ALPG: variants seen among roughly 807,000 people sequenced by gnomAD.
The protein encoded by ALPG is alkaline phosphatase, germ cell.
Under a neutral mutation model 48.6 loss-of-function variants are expected in ALPG, and 32 were observed. That is an observed-to-expected ratio of 0.66 (90% CI 0.50 to 0.88). The LOEUF is 0.88. ALPG is among the 40% of genes least tolerant of loss of function. ALPG has a pLI of 0.00. For synonymous variants in ALPG, 244 were observed against 308.9 expected, an observed-to-expected ratio of 0.79 and a Z score of 2.20; for missense variants, 533 against 718.1, an observed-to-expected ratio of 0.74 and a Z score of 2.95.
rs1697160877 is a variant in ALPG at position 232,409,970 on chromosome 2, C to T, written c.*98C>T. The T allele has an allele frequency of 6.9e-7, 1 of 1,446,020 alleles. No homozygotes were observed. Among genetic ancestry groups the T allele is most frequent in the Non-Finnish European group, 9.1e-7 (1 of 1,103,012 alleles). 89.6% of individuals were successfully genotyped at this position (1,446,020 alleles called of 1,614,324 possible). On this transcript the variant is annotated 3_prime_UTR_variant, in exon 11 of 11. Transcript: ENST00000295453. ...GACCTCCACCTGGAGCTGTCACCCC[C>T]GGAGTCGCCACACAGACGTCCTGCC...
rs1419868694 is a variant in ALPG, at chr2:232,408,317, C to G, written c.699C>G (p.Asp233Glu). 6.2e-7 allele frequency: 1 copy of G among 1,613,290 alleles called. No individual in the cohort carries two copies. The highest frequency in any genetic ancestry group is 8.5e-7 in the Non-Finnish European group (1 of 1,179,826). ...ACATGTTTCCCATGGGGACCCCAGA[C>G]CCTGAGTACCCAGATGACTACAGCC... ...RKYMFPMGTP[D>E]PEYPDDYSQG... The change falls in exon 6 of 11, where the codon GAC (aspartate) becomes GAG (glutamate). Residue 233 changes from aspartate to glutamate, a missense_variant. Around this residue, in one of 6 missense-constraint regions of ALPG, gnomAD observed 40 missense variants for 74.5 expected, o/e 0.54. Transcript: ENST00000295453.
At chr2:232,409,509 G>A in intron 10 of ALPG, 61 bp downstream of exon 10, 1 of 1,609,326 alleles carries the variant, frequency 6.2e-7, no homozygotes, top group South Asian at 1.1e-5. Flanking sequence ...GGGGCTGGCG[G>A]GAAGGGGTCA....
Position 232,410,502 on chromosome 2 carries a change from C to T in ALPG, c.*630C>T, listed in dbSNP as rs1697169237. ...ACAGCCACTCAGATGTTCGACGCCC[C>T]CTAAGGTCCATTCCAGCACCCACCT... On this transcript the variant is annotated 3_prime_UTR_variant, in exon 11 of 11. Coordinates refer to ENST00000295453, the MANE Select transcript of ALPG (RefSeq NM_031313.3). 6.5e-6 allele frequency: 1 copy of T among 154,718 alleles called. No individual in the cohort carries two copies. The highest frequency in any genetic ancestry group is 2.4e-5 in the African/African-American group (1 of 41,464). 9.6% of individuals were successfully genotyped at this position (154,718 alleles called of 1,614,324 possible).
Position 232,407,966 on chromosome 2 carries a change from G to T in ALPG, c.597G>T (p.Gln199His). Reference protein sequence around the residue: ...SDADVPASARQEGCQDIATQL... With the variant: ...SDADVPASARHEGCQDIATQL... ...CCGACGTGCCTGCCTCGGCCCGCCA[G>T]GAGGGGTGCCAGGACATCGCCACGC... is the stretch of plus-strand genomic sequence containing the variant. Residue 199 changes from glutamine (Q) to histidine (H), a missense_variant, in exon 5 of 11, where the codon CAG becomes CAT. By Grantham distance (24) the Gln-to-His change is conservative. Coordinates refer to ENST00000295453, the MANE Select transcript of ALPG (RefSeq NM_031313.3). 4 of 1,613,188 alleles carry T rather than the reference G, an allele frequency of 2.5e-6. No homozygotes were observed. The highest frequency in any genetic ancestry group is 3.4e-6 in the Non-Finnish European group (4 of 1,179,892).
rs758050767 is a variant in ALPG at position 232,406,902 on chromosome 2, G to C, written c.8G>C (p.Gly3Ala). MQ[G>A]PWVLLLLGLR... The stretch of plus-strand genomic sequence containing the variant: ...CTCCGACTGCTTCCAGACATGCAGG[G>C]GCCCTGGGTGCTGCTCCTGCTGGGC... Residue 3 changes from glycine to alanine, a missense_variant, in exon 1 of 11, where the codon GGG becomes GCG. Physicochemically the swap from Gly to Ala is moderately conservative, Grantham distance 60. Around this residue, in one of 6 missense-constraint regions of ALPG, gnomAD observed 315 missense variants for 305.8 expected, o/e 1.03. Coordinates refer to ENST00000295453, the MANE Select transcript of ALPG (RefSeq NM_031313.3). 6.2e-7 allele frequency: 1 copy of C among 1,612,214 alleles called. No homozygotes were observed. The highest frequency in any genetic ancestry group is 1.1e-5 in the South Asian group (1 of 90,720).
Position 232,410,705 on chromosome 2 carries a change from G to A in ALPG, c.*833G>A, listed in dbSNP as rs1697171540. The A allele has an allele frequency of 6.6e-6, 1 of 152,310 alleles. No homozygotes were observed. Among genetic ancestry groups the A allele is most frequent in the Admixed American group, 6.5e-5 (1 of 15,284 alleles). 9.4% of individuals were successfully genotyped at this position (152,310 alleles called of 1,614,324 possible). A position where few individuals can be genotyped will look rare whatever the true frequency, so the allele number is the denominator to read the frequency against. ...AAAGCAATAATAAAAGGAAGTGTTA[G>A]ACAATGTAATGCCAGTACTACTTCC... On this transcript the variant is annotated 3_prime_UTR_variant, in exon 11 of 11. Transcript: ENST00000295453.
intron 5 of ALPG, 123 bp downstream of exon 5, chr2:232,408,140 G>A (rs1258139580): frequency 3.6e-5 from 56 of 1,567,228 alleles, no homozygotes; most frequent in Admixed American, 1.1e-4. Flanking sequence ...GGTTGGGGGC[G>A]TAGAAGGCGC....
Position 232,410,146 on chromosome 2 carries a change from A to C in ALPG, c.*274A>C. 1.7e-6 allele frequency: 1 copy of C among 578,996 alleles called. No homozygotes were observed. The highest frequency in any genetic ancestry group is 2.1e-5 in the South Asian group (1 of 46,992). The allele number at this position is 578,996 out of a possible 1,614,324, so 35.9% of individuals were successfully genotyped here. ...TGCATTTCAGGAAAAGAGGAGGCTC[A>C]GACCATCCAGCCCCCGCCCATATCC... On this transcript the variant is annotated 3_prime_UTR_variant, in exon 11 of 11. Transcript: ENST00000295453.
At position 232,410,139 on chromosome 2, in the gene ALPG, G is replaced by A. The variant is rs537302161; in HGVS notation, c.*267G>A. 3.7e-4 allele frequency: 220 copies of A among 597,500 alleles called. 1 individual carries two copies. Among genetic ancestry groups the A allele is most frequent in the Non-Finnish European group, 5.7e-4 (197 of 345,504 alleles). 37.0% of individuals were successfully genotyped at this position (597,500 alleles called of 1,614,324 possible). On this transcript the variant is annotated 3_prime_UTR_variant, in exon 11 of 11. Coordinates refer to ENST00000295453, the MANE Select transcript of ALPG (RefSeq NM_031313.3). Reference sequence around the variant, plus strand: ...AGCTGCCTGCATTTCAGGAAAAGAGGAGGCTCAGACCATCCAGCCCCCGCC... The same window carrying A: ...AGCTGCCTGCATTTCAGGAAAAGAGAAGGCTCAGACCATCCAGCCCCCGCC...
Position 232,409,612 on chromosome 2 carries a change from G to A in ALPG, c.1339G>A (p.Asp447Asn). 2 of 1,612,816 alleles carry A rather than the reference G, an allele frequency of 1.2e-6. No homozygotes were observed. The highest frequency in any genetic ancestry group is 1.7e-6 in the Non-Finnish European group (2 of 1,179,786). The change falls in exon 11 of 11, where the codon GAC becomes AAC. Residue 447 changes from aspartate to asparagine, a missense_variant. Physicochemically the swap from Asp to Asn is conservative, Grantham distance 23. Coordinates refer to ENST00000295453, the MANE Select transcript of ALPG (RefSeq NM_031313.3). ...TCGGCAGCAGTCAGCAGTGCCCCTG[G>A]ACGGAGAGACCCACGCAGGCGAGGA... ...EYRQQSAVPL[D>N]GETHAGEDVA...
chr2:232,407,167 G>A lies in ALPG; in HGVS notation c.178G>A (p.Gly60Ser). ...CGCCAAGAACCTCATCATCTTCCTG[G>A]GTGACGGTGAGTGAGCCAGGCCTTC... ...TAAKNLIIFL[G>S]DGMGVSTVTA... The change falls in exon 2 of 11, where the codon GGT becomes AGT. Residue 60 changes from glycine (G) to serine (S), a missense_variant. Around this residue, in one of 6 missense-constraint regions of ALPG, gnomAD observed 315 missense variants for 305.8 expected, o/e 1.03. Coordinates refer to ENST00000295453, the MANE Select transcript of ALPG (RefSeq NM_031313.3). 3 of 1,613,922 alleles carry A rather than the reference G, an allele frequency of 1.9e-6. No homozygotes were observed. Among genetic ancestry groups the A allele is most frequent in the Non-Finnish European group, 2.5e-6 (3 of 1,180,002 alleles).
Position 232,410,143 on chromosome 2 carries a change from C to T in ALPG, c.*271C>T, listed in dbSNP as rs575070035. Reference sequence around the variant, plus strand: ...GCCTGCATTTCAGGAAAAGAGGAGGCTCAGACCATCCAGCCCCCGCCCATA... The same window carrying T: ...GCCTGCATTTCAGGAAAAGAGGAGGTTCAGACCATCCAGCCCCCGCCCATA... On this transcript the variant is annotated 3_prime_UTR_variant, in exon 11 of 11. Transcript: ENST00000295453. 11 of 585,684 alleles carry T rather than the reference C, an allele frequency of 1.9e-5. No homozygotes were observed. The South Asian group carries it at 2.3e-4, about 12-fold the overall frequency. The allele number at this position is 585,684 out of a possible 1,614,324, so 36.3% of individuals were successfully genotyped here. A position where few individuals can be genotyped will look rare whatever the true frequency, so the allele number is the denominator to read the frequency against.
At chr2:232,406,987 T>TACACA in intron 1 of ALPG, 26 bp downstream of exon 1, 1 of 1,576,000 alleles carries the variant, frequency 6.3e-7, no homozygotes, top group East Asian at 2.3e-5. Flanking sequence ...CAGCTGCCCC[T>TACACA]ACACACACAC....
chr2:232,409,511 A>C, intron 10 of ALPG, 63 bp downstream of exon 10: 2 of 1,609,624 alleles, frequency 1.2e-6, no homozygotes, highest in Non-Finnish European at 1.7e-6. Context: ...GGCTGGCGGG[A>C]AGGGGTCACC....
At chr2:232,407,200 G>A (rs576312807) in intron 2 of ALPG, 27 bp downstream of exon 2, 43 of 1,613,720 alleles carry the variant, frequency 2.7e-5, no homozygotes, top group East Asian at 4.5e-5. Flanking sequence ...TTCCAGCCCC[G>A]CAGCCCTCAC....
In ALPG at chr2:232,407,087, G is replaced by A. The variant is rs776010626; in HGVS notation, c.98G>A (p.Arg33His). ...VEEENPDFWN[R>H]QAAEALGAAK... Reference sequence around the variant, plus strand: ...GAGGAGAACCCGGACTTCTGGAACCGCCAGGCAGCCGAGGCCCTGGGTGCC... The same window carrying A: ...GAGGAGAACCCGGACTTCTGGAACCACCAGGCAGCCGAGGCCCTGGGTGCC... The change falls in exon 2 of 11, where the codon CGC becomes CAC. Residue 33 changes from arginine to histidine, a missense_variant. By Grantham distance (29) the Arg-to-His change is conservative. Around this residue, in one of 6 missense-constraint regions of ALPG, gnomAD observed 315 missense variants for 305.8 expected, o/e 1.03. Transcript: ENST00000295453. The A allele has an allele frequency of 1.5e-5, 25 of 1,613,636 alleles. No homozygotes were observed. In the Admixed American group the frequency reaches 2.5e-4, roughly 16 times the overall value.
Position 232,407,292 on chromosome 2 carries a change from G to C in ALPG, c.191G>C (p.Gly64Ala), listed in dbSNP as rs1366073105. 1.2e-6 allele frequency: 2 copies of C among 1,613,994 alleles called. No homozygotes were observed. The highest frequency in any genetic ancestry group is 1.7e-5 in the Admixed American group (1 of 60,004). ...CACACTTCTGCTCCTTCAGGGATGG[G>C]GGTGTCTACGGTGACAGCTGCCAGG... Reference protein sequence around the residue: ...NLIIFLGDGMGVSTVTAARIL... With the variant: ...NLIIFLGDGMAVSTVTAARIL... The change falls in exon 3 of 11, where the codon GGG becomes GCG. Residue 64 changes from glycine to alanine, a missense_variant. Transcript: ENST00000295453.
rs1697149478 is a variant in ALPG, at chr2:232,409,467, C to T, written c.1300+19C>T. 1.9e-6 allele frequency: 3 copies of T among 1,563,586 alleles called. No homozygotes were observed. Among genetic ancestry groups the T allele is most frequent in the Non-Finnish European group, 2.6e-6 (3 of 1,143,914 alleles). ...GAGAGCGGTGAGTGCCGTGGGGTGG[C>T]CCCCTGAGGGGGACCAGGGTGCCAA... On this transcript the variant is annotated intron_variant, in intron 10 of 10. Transcript: ENST00000295453.
At chr2:232,407,554 G>C (rs1196771548) in intron 3 of ALPG, 40 bp from the exon 4 acceptor site, 3 of 1,612,050 alleles carry the variant, frequency 1.9e-6, no homozygotes, top group South Asian at 2.2e-5. Context: ...GGTCTTGTTT[G>C]TCTGCCCCAG....
Sources: allele counts gnomAD v4.1 joint callset, GRCh38; gene constraint gnomAD v4.1.1; regional missense constraint gnomAD v4.1.1; transcripts MANE v1.5; gene names NCBI Gene and HGNC (gene_info 2026-07-23, HGNC 2026-07-21).